Variants in ADCY9 observed in about 807,000 individuals in gnomAD.
The protein encoded by ADCY9 is adenylate cyclase 9, also known as adenylate cyclase type 9.
Under a neutral mutation model 101.5 loss-of-function variants are expected in ADCY9, and 50 were observed. The ratio of observed to expected loss-of-function variants is 0.49; its 90% confidence interval spans 0.39 to 0.62. The LOEUF (loss-of-function observed/expected upper bound fraction) is 0.62, where lower values mean the gene tolerates loss of function less well. Among genes scored for constraint, ADCY9 ranks in the 20% least tolerant of loss-of-function variants. The pLI, the probability that ADCY9 is intolerant of heterozygous loss-of-function variation, is 0.00. For missense variants in ADCY9, 1,662 were observed against 1,800.4 expected (o/e 0.92, Z 1.39); for synonymous variants, 905 against 769.3 (o/e 1.18, Z -2.92).
In ADCY9 at chr16:3,966,729, G is replaced by T; in HGVS notation, c.3108C>A (p.Ile1036=). Residue 1036 remains isoleucine (I), a synonymous_variant, in exon 11 of 11, where the codon ATC becomes ATA. Transcript: ENST00000294016. The stretch of plus-strand genomic sequence containing the variant: ...TCAGCTGCTCAGCCACGTGGTAGGG[G>T]ATGATGTTCCTCAGCAGCCAGTCTG... ...DQADWLLRNI[I]PYHVAEQLKV... 6.2e-7 allele frequency: 1 copy of T among 1,614,234 alleles called. No homozygotes were observed. The highest frequency in any genetic ancestry group is 1.1e-5 in the South Asian group (1 of 91,088).
chr16:4,114,623 C>T lies in ADCY9; in HGVS notation c.820G>A (p.Ala274Thr). Residue 274 changes from alanine to threonine, a missense_variant, in exon 2 of 11, where the codon GCC (alanine) becomes ACC (threonine). By Grantham distance (58) the Ala-to-Thr change is moderately conservative. Around this residue, in one of 5 missense-constraint regions of ADCY9, gnomAD observed 422 missense variants for 392.0 expected, o/e 1.08. Coordinates refer to ENST00000294016, the MANE Select transcript of ADCY9 (RefSeq NM_001116.4). This position sits in a 1 kb window ranked among gnomAD's most constrained non-coding sequence, Gnocchi z 4.3. ...AGCAGCTCCCAGTGCAGGGCCCCGGCTCCGGGCGAGGGGAAGCAGGCTTCA... is the reference window on the plus strand; with the variant it reads ...AGCAGCTCCCAGTGCAGGGCCCCGGTTCCGGGCGAGGGGAAGCAGGCTTCA... Reference protein sequence around the residue: ...RDEACFPSPGAGALHWELLSR... With the variant: ...RDEACFPSPGTGALHWELLSR... The T allele has an allele frequency of 6.2e-7, 1 of 1,613,688 alleles. No homozygotes were observed.
At chr16:3,994,796 C>A (rs1435914436) in intron 3 of ADCY9, among the ~76,000 whole-genome samples, 2 of 152,112 alleles carry the variant, frequency 1.3e-5, no homozygotes, top group Non-Finnish European at 2.9e-5. Context: ...TATATCTCAA[C>A]AAAGCTGTTA....
chr16:3,993,530 T>C lies in ADCY9; in HGVS notation c.1885-20A>G. On this transcript the variant is annotated intron_variant, in intron 3 of 10. Transcript: ENST00000294016. ...GCAGGTCTAGAAGAAAAACACAGAC[T>C]GTGGGGACACACCCAGAAACCGCGA... The C allele has an allele frequency of 6.2e-7, 1 of 1,611,710 alleles. No individual in the cohort carries two copies. The highest frequency in any genetic ancestry group is 8.5e-7 in the Non-Finnish European group (1 of 1,178,338).
chr16:4,110,822 T>C (rs935668067), intron 2 of ADCY9, among the ~76,000 whole-genome samples: 8 of 152,194 alleles, frequency 5.3e-5, no homozygotes, highest in African/African-American at 1.9e-4. Flanking sequence ...GGTGTGGCCA[T>C]GGCGACAGTA....
At chr16:3,969,409 T>A (rs2056027640) in intron 10 of ADCY9, among the ~76,000 whole-genome samples, 4 of 143,184 alleles carry the variant, frequency 2.8e-5, no homozygotes, top group African/African-American at 7.6e-5. Flanking sequence ...AATTTTTGTA[T>A]TTTTTTTTTG....
chr16:4,011,549 G>T (rs887993368), intron 2 of ADCY9, among the ~76,000 whole-genome samples: 8 of 152,224 alleles, frequency 5.3e-5, no homozygotes, highest in African/African-American at 1.9e-4. Flanking sequence ...GAGAGGCAAG[G>T]CTCCCATTAC....
chr16:4,092,698 T>C (rs1289399705), intron 2 of ADCY9, among the ~76,000 whole-genome samples: 2 of 152,226 alleles, frequency 1.3e-5, no homozygotes, highest in African/African-American at 4.8e-5. Context: ...ATCTTACACA[T>C]CCTGAACGCC....
intron 2 of ADCY9, among the ~76,000 whole-genome samples, chr16:4,085,087 C>T (rs777493667): frequency 2.6e-5 from 4 of 152,100 alleles, no homozygotes; most frequent in Non-Finnish European, 4.4e-5. Context: ...GGAAGCTGGA[C>T]GCAGTGGCTC....
chr16:3,957,101 A>C (rs185752801), intron 5 of ADCY9, among the ~76,000 whole-genome samples: 2 of 152,286 alleles, frequency 1.3e-5, no homozygotes, highest in Admixed American at 1.3e-4. Flanking sequence ...CTCCCCCTCC[A>C]TCTGGGTTCT....
chr16:4,065,448 C>G (rs1397070291), intron 2 of ADCY9, among the ~76,000 whole-genome samples: 1 of 152,244 alleles, frequency 6.6e-6, no homozygotes. Flanking sequence ...TTCATCTCCT[C>G]TCAAGATCCT....
At chr16:4,064,941 G>A (rs1174391297) in intron 2 of ADCY9, among the ~76,000 whole-genome samples, 2 of 152,292 alleles carry the variant, frequency 1.3e-5, no homozygotes, top group Non-Finnish European at 2.9e-5. Context: ...CCTGATTCAT[G>A]GCTGGTGAAT....
chr16:4,068,041 T>C (rs1253791716), intron 2 of ADCY9, among the ~76,000 whole-genome samples: 3 of 152,150 alleles, frequency 2.0e-5, no homozygotes, highest in African/African-American at 2.4e-5. Flanking sequence ...TTTTTCTAAT[T>C]GTAGGGAAAA....
chr16:4,066,161 T>C (rs1004670005), intron 2 of ADCY9, among the ~76,000 whole-genome samples: 1 of 152,174 alleles, frequency 6.6e-6, no homozygotes, highest in Non-Finnish European at 1.5e-5. Context: ...ATGGGGACGT[T>C]CCATCTACAT....
At chr16:4,104,844 C>T (rs948759442) in intron 2 of ADCY9, among the ~76,000 whole-genome samples, 2 of 152,014 alleles carry the variant, frequency 1.3e-5, no homozygotes, top group Non-Finnish European at 2.9e-5. Context: ...CATTTTATCA[C>T]TCAAAAAACC....
At chr16:3,996,392 A>G (rs764222928) in intron 3 of ADCY9, among the ~76,000 whole-genome samples, 2 of 152,226 alleles carry the variant, frequency 1.3e-5, no homozygotes, top group Non-Finnish European at 2.9e-5. Context: ...AAATATGTAT[A>G]TATTTGCCAA....
chr16:3,961,326 G>T (rs1307906189), downstream of ADCY9, among the ~76,000 whole-genome samples: 1 of 152,000 alleles, frequency 6.6e-6, no homozygotes, highest in African/African-American at 2.4e-5. Context: ...TTGCGCACCT[G>T]TAGTCCCAGC....
At chr16:4,002,337 T>C (rs2056336661) in intron 3 of ADCY9, among the ~76,000 whole-genome samples, 1 of 152,260 alleles carries the variant, frequency 6.6e-6, no homozygotes, top group Admixed American at 6.5e-5. Context: ...CTACTCATAA[T>C]GACTTGACAC....
chr16:4,115,098 C>T lies in ADCY9; in HGVS notation c.345G>A (p.Arg115=), dbSNP rs1300707161. 1 of 1,613,828 alleles carries T rather than the reference C, an allele frequency of 6.2e-7. No individual in the cohort carries two copies. Among genetic ancestry groups the T allele is most frequent in the East Asian group, 2.2e-5 (1 of 44,890 alleles). ...CGATGTAGAAGAGCGCATACCGGAA[C>T]CGGCGCTGGGTCTGCGGGAAGCAGC... ...LERCFPQTQR[R]FRYALFYIGF... Residue 115 remains arginine, a synonymous_variant, in exon 2 of 11, where the codon CGG becomes CGA. Coordinates refer to ENST00000294016, the MANE Select transcript of ADCY9 (RefSeq NM_001116.4). The surrounding 1 kb of genome is among the most constrained non-coding windows in gnomAD (Gnocchi z 6.2).
intron 2 of ADCY9, chr16:4,032,838 C>A (rs955545296): frequency 4.6e-5 from 7 of 152,162 alleles, no homozygotes; most frequent in Non-Finnish European, 1.0e-4. Flanking sequence ...TAAAAAGAGA[C>A]TTTACAGAAA....
Sources: allele counts gnomAD v4.1 joint callset (sites outside exome capture counted in the v4.1 genomes callset), GRCh38; gene constraint gnomAD v4.1.1; regional missense constraint gnomAD v4.1.1; non-coding constraint Gnocchi (gnomAD v3.1); transcripts MANE v1.5; gene names NCBI Gene and HGNC (gene_info 2026-07-23, HGNC 2026-07-21).